Variants in SH3PXD2A observed in about 807,000 individuals in gnomAD.
The protein encoded by SH3PXD2A is SH3 and PX domains 2A.
SH3PXD2A carries 32 observed loss-of-function variants against 115.2 expected under a neutral mutation model. The observed-to-expected ratio is 0.28, with a 90% confidence interval of 0.21 to 0.37. The LOEUF is 0.37. Ranked by LOEUF, SH3PXD2A falls within the 10% of genes least tolerant of loss-of-function variation. The pLI, the probability that SH3PXD2A is intolerant of heterozygous loss-of-function variation, is 1.00. For missense variants in SH3PXD2A, 1,328 were observed against 1,498.7 expected (o/e 0.89, Z 1.88); for synonymous variants, 610 against 629.1 (o/e 0.97, Z 0.45).
intron 6 of SH3PXD2A, among the ~76,000 whole-genome samples, chr10:103,670,936 G>A (rs952478272): frequency 6.6e-6 from 1 of 152,252 alleles, no homozygotes; most frequent in Non-Finnish European, 1.5e-5. Flanking sequence ...TCCCAGAGAT[G>A]TGGCCAAGTG....
At position 103,819,955 on chromosome 10, in the gene SH3PXD2A, G is replaced by A. The variant is rs191337740; in HGVS notation, c.73-18593C>T. Among the ~76,000 whole-genome samples the A allele has an allele frequency of 1.8e-3, 280 of 152,276 alleles. 1 individual carries two copies. The highest frequency in any genetic ancestry group is 2.9e-3 in the Non-Finnish European group (196 of 68,016). On this transcript the variant is annotated intron_variant, in intron 1 of 14. Coordinates refer to ENST00000369774, the MANE Select transcript of SH3PXD2A (RefSeq NM_001394015.1). ...AGTGGAGTGACTAGAATAGATCTCA[G>A]AGTGGGAGTGGGTTCCCCAGGGAGA... is the stretch of plus-strand genomic sequence containing the variant.
intron 8 of SH3PXD2A, among the ~76,000 whole-genome samples, chr10:103,638,078 G>A (rs1247304304): frequency 6.6e-6 from 1 of 152,168 alleles, no homozygotes. Flanking sequence ...AAACAGGAGC[G>A]AGCGAGAAAC....
chr10:103,810,909 CACACACACACGGAG>C, intron 1 of SH3PXD2A, among the ~76,000 whole-genome samples: 1 of 27,092 alleles, frequency 3.7e-5, no homozygotes, highest in Non-Finnish European at 1.1e-4. Flanking sequence ...GAAACATGGA[CACACACACACGGAG>C]ACACACACAT....
At chr10:103,628,857 T>C (rs1166698376) in intron 8 of SH3PXD2A, among the ~76,000 whole-genome samples, 2 of 152,250 alleles carry the variant, frequency 1.3e-5, no homozygotes, top group African/African-American at 4.8e-5. Flanking sequence ...CTGTACCTCC[T>C]GCTCTTGCTC....
intron 1 of SH3PXD2A, among the ~76,000 whole-genome samples, chr10:103,803,358 G>A (rs1264309102): frequency 1.3e-5 from 2 of 152,190 alleles, no homozygotes; most frequent in African/African-American, 4.8e-5. Flanking sequence ...TACATCATAT[G>A]TAAATAGGTA....
chr10:103,699,713 C>G (rs911955310), intron 5 of SH3PXD2A, among the ~76,000 whole-genome samples: 32 of 152,174 alleles, frequency 2.1e-4, no homozygotes, highest in Non-Finnish European at 3.7e-4. Flanking sequence ...GCAAGACAGA[C>G]AGAGGGGCCT....
rs1248720277 is a variant in SH3PXD2A at position 103,596,942 on chromosome 10, C to T, written c.*4874G>A. ...TGGAGGGAACAAGCCACAGGGACGT[C>T]CCTGTCACCTTGAGGGGCAGAGCTC... is the stretch of plus-strand genomic sequence containing the variant. On this transcript the variant is annotated 3_prime_UTR_variant, in exon 15 of 15. Coordinates refer to ENST00000369774, the MANE Select transcript of SH3PXD2A (RefSeq NM_001394015.1). The T allele has an allele frequency of 2.0e-5, 3 of 152,576 alleles. No individual in the cohort carries two copies. The highest frequency in any genetic ancestry group is 2.0e-4 in the Admixed American group (3 of 15,276). 9.5% of individuals were successfully genotyped at this position (152,576 alleles called of 1,614,324 possible).
At chr10:103,664,670 C>CTTT (rs34460765) in intron 7 of SH3PXD2A, among the ~76,000 whole-genome samples, 2,572 of 142,004 alleles carry the variant, frequency 0.018, 92 homozygotes, top group African/African-American at 0.062. Context: ...CTTTCTCTCT[C>CTTT]TTTTTTTTTT....
chr10:103,707,949 C>G (rs750064755), intron 5 of SH3PXD2A, among the ~76,000 whole-genome samples: 1 of 152,188 alleles, frequency 6.6e-6, no homozygotes, highest in Non-Finnish European at 1.5e-5. Context: ...CCTCCAAACC[C>G]TCCCTCAGCA....
In SH3PXD2A at chr10:103,756,242, T is replaced by A. The variant is rs1168402175; in HGVS notation, c.229+10852A>T. Among the ~76,000 whole-genome samples the A allele has an allele frequency of 1.3e-5, 2 of 152,142 alleles. No homozygotes were observed. The highest frequency in any genetic ancestry group is 4.8e-5 in the African/African-American group (2 of 41,450). The stretch of plus-strand genomic sequence containing the variant: ...TACATCAGTTCACACAGGTGATGCC[T>A]AGAGCCAGCTCAGTCCCTGCCAGAG... On this transcript the variant is annotated intron_variant, in intron 3 of 14. Coordinates refer to ENST00000369774, the MANE Select transcript of SH3PXD2A (RefSeq NM_001394015.1). This position sits in a 1 kb window ranked among gnomAD's most constrained non-coding sequence, Gnocchi z 4.4.
At chr10:103,755,583 AC>A in intron 3 of SH3PXD2A, among the ~76,000 whole-genome samples, 1 of 152,110 alleles carries the variant, frequency 6.6e-6, no homozygotes, top group East Asian at 1.9e-4. Flanking sequence ...TGGGATTTGA[AC>A]CCCAGGTTTG....
rs1842932928 is a variant in SH3PXD2A at position 103,855,531 on chromosome 10, C to T, written c.-265G>A. The T allele has an allele frequency of 6.6e-6, 1 of 150,694 alleles. No individual in the cohort carries two copies. Among genetic ancestry groups the T allele is most frequent in the African/African-American group, 2.4e-5 (1 of 41,034 alleles). The allele number at this position is 150,694 out of a possible 1,614,324, so 9.3% of individuals were successfully genotyped here. A position where few individuals can be genotyped will look rare whatever the true frequency, so the allele number is the denominator to read the frequency against. ...ACTCCCGCGCGGCCGCCGCGCTGCG[C>T]TCGCCCGCTCGCTCTCTCCGCCGCC... On this transcript the variant is annotated 5_prime_UTR_variant, in exon 1 of 15. Transcript: ENST00000369774.
chr10:103,833,326 A>C (rs2039500222), intron 1 of SH3PXD2A, among the ~76,000 whole-genome samples: 1 of 152,232 alleles, frequency 6.6e-6, no homozygotes, highest in Non-Finnish European at 1.5e-5. Flanking sequence ...CATTTGATGG[A>C]TTTAGATACA....
At chr10:103,771,738 AACACACAC>A (rs3068820) in intron 2 of SH3PXD2A, among the ~76,000 whole-genome samples, 2,607 of 143,068 alleles carry the variant, frequency 0.018, 32 homozygotes, top group African/African-American at 0.038. Context: ...CCGTCAAAAC[AACACACAC>A]ACACACACAC....
At chr10:103,810,950 G>GCACACACACACACA (rs1286107994) in intron 1 of SH3PXD2A, among the ~76,000 whole-genome samples, 43 of 4,816 alleles carry the variant, frequency 8.9e-3, no homozygotes, top group African/African-American at 0.021. Context: ...AGGCGCGCGC[G>GCACACACACACACA]CGCACACACA....
At chr10:103,786,004 G>T (rs1165459076) in intron 2 of SH3PXD2A, among the ~76,000 whole-genome samples, 1 of 151,968 alleles carries the variant, frequency 6.6e-6, no homozygotes, top group African/African-American at 2.4e-5. Context: ...CAGACAGAGA[G>T]AAATAGAGAA....
intron 8 of SH3PXD2A, among the ~76,000 whole-genome samples, chr10:103,640,120 G>C (rs1423949169): frequency 6.6e-6 from 1 of 152,172 alleles, no homozygotes; most frequent in African/African-American, 2.4e-5. Context: ...TTCGAGACCA[G>C]TCTGGCCAAC....
intron 5 of SH3PXD2A, among the ~76,000 whole-genome samples, chr10:103,706,208 G>C (rs939804005): frequency 1.3e-5 from 2 of 152,134 alleles, no homozygotes; most frequent in Admixed American, 6.5e-5. Flanking sequence ...GATGGTGATG[G>C]AGCATCCCCT....
At chr10:103,640,009 GA>G (rs2036929937) in intron 8 of SH3PXD2A, among the ~76,000 whole-genome samples, 1 of 152,184 alleles carries the variant, frequency 6.6e-6, no homozygotes, top group South Asian at 2.1e-4. Context: ...TCCAGCAAGA[GA>G]AAGAGTAAGA....
Sources: gnomAD v4.1 joint callset for allele counts (sites outside exome capture counted in the v4.1 genomes callset) on GRCh38, gnomAD v4.1.1 for gene constraint, Gnocchi (gnomAD v3.1) non-coding constraint, MANE v1.5 for transcripts, NCBI Gene and HGNC (gene_info 2026-07-23, HGNC 2026-07-21) for gene names.